Variants in PPM1H observed in about 807,000 individuals in gnomAD.
The protein encoded by PPM1H is protein phosphatase 1H.
Under a neutral mutation model 54.9 loss-of-function variants are expected in PPM1H, and 27 were observed. The observed-to-expected ratio is 0.49, with a 90% CI of 0.36 to 0.68. The LOEUF (loss-of-function observed/expected upper bound fraction) is 0.68. Among genes scored for constraint, PPM1H ranks in the 30% least tolerant of loss-of-function variants. The probability of loss-of-function intolerance (pLI) is 0.00; values close to 1 mark genes in which losing one functional copy is unlikely to be tolerated. For missense variants in PPM1H, 596 were observed against 667.8 expected, an observed-to-expected ratio of 0.89 and a Z score of 1.19; for synonymous variants, 305 against 270.8, an observed-to-expected ratio of 1.13 and a Z score of -1.24.
At chr12:62,798,479 C>T (rs758855204) in intron 3 of PPM1H, among the ~76,000 whole-genome samples, 3 of 152,042 alleles carry the variant, frequency 2.0e-5, no homozygotes, top group Non-Finnish European at 4.4e-5. Context: ...ATTGGGGGCC[C>T]AGTTTTTATT....
chr12:62,800,733 G>C (rs1478694295), intron 3 of PPM1H, among the ~76,000 whole-genome samples: 1 of 152,186 alleles, frequency 6.6e-6, no homozygotes, highest in African/African-American at 2.4e-5. Context: ...CTGTATGCAG[G>C]CTGCCGAGCA....
intron 2 of PPM1H, among the ~76,000 whole-genome samples, chr12:62,829,463 C>G (rs1162430600): frequency 1.3e-5 from 2 of 152,066 alleles, no homozygotes; most frequent in Non-Finnish European, 2.9e-5. Flanking sequence ...ATACGTAATG[C>G]CACTGAACTA....
At chr12:62,874,851 C>T (rs1052742765) in intron 1 of PPM1H, among the ~76,000 whole-genome samples, 2 of 152,218 alleles carry the variant, frequency 1.3e-5, no homozygotes, top group African/African-American at 4.8e-5. Context: ...CAAACTGTCT[C>T]GCCATTTTCA....
chr12:62,840,084 A>AGAGAGAGAGAGC, intron 1 of PPM1H: 1 of 124,330 alleles, frequency 8.0e-6, no homozygotes, highest in African/African-American at 4.1e-5. Flanking sequence ...AGAGAGAGAG[A>AGAGAGAGAGAGC]GCGAGAGAAA....
intron 6 of PPM1H, among the ~76,000 whole-genome samples, chr12:62,706,568 A>G (rs2076175540): frequency 6.6e-6 from 1 of 152,264 alleles, no homozygotes; most frequent in Non-Finnish European, 1.5e-5. Context: ...TTAAAAACTT[A>G]CATAATCCTC....
chr12:62,773,810 T>A (rs1204015561), intron 4 of PPM1H, among the ~76,000 whole-genome samples: 2 of 152,162 alleles, frequency 1.3e-5, no homozygotes, highest in African/African-American at 4.8e-5. Context: ...GGGGGCTTCC[T>A]GGGAAGCTTA....
intron 1 of PPM1H, among the ~76,000 whole-genome samples, chr12:62,864,007 GCA>G (rs1222881791): frequency 6.6e-6 from 1 of 152,172 alleles, no homozygotes; most frequent in Non-Finnish European, 1.5e-5. Context: ...TTATCTGCTA[GCA>G]CCAACACTTT....
chr12:62,812,686 T>C (rs908609624), intron 2 of PPM1H, among the ~76,000 whole-genome samples: 3 of 151,736 alleles, frequency 2.0e-5, no homozygotes, highest in Non-Finnish European at 4.4e-5. Context: ...AGACTTTCTC[T>C]ACAGTAGGCT....
chr12:62,869,281 T>C (rs1869895288), intron 1 of PPM1H, among the ~76,000 whole-genome samples: 2 of 152,258 alleles, frequency 1.3e-5, no homozygotes, highest in Non-Finnish European at 2.9e-5. Flanking sequence ...ATTAAAGTCA[T>C]TTAAAATCTT....
At chr12:62,792,968 TAATA>T (rs761086596) in intron 3 of PPM1H, among the ~76,000 whole-genome samples, 7 of 152,228 alleles carry the variant, frequency 4.6e-5, no homozygotes, top group Admixed American at 6.5e-5. Context: ...ATATTCTACA[TAATA>T]AATAAAAACA....
chr12:62,666,923 A>C lies in PPM1H; in HGVS notation c.1397+255T>G, dbSNP rs1039961430. Among the ~76,000 whole-genome samples, 11 of 152,300 alleles carry C rather than the reference A, an allele frequency of 7.2e-5. 1 individual carries two copies. In the East Asian group the frequency reaches 1.5e-3, roughly 21 times the overall value. ...GAGACAGGGTTTCACCATGTTGGCC[A>C]GGCTGGTCTAGAACTCCTGACCTCA... is the stretch of plus-strand genomic sequence containing the variant. On this transcript the variant is annotated intron_variant, in intron 9 of 9. Coordinates refer to ENST00000228705, the MANE Select transcript of PPM1H (RefSeq NM_020700.2).
chr12:62,724,123 A>G (rs2076277310), intron 5 of PPM1H, among the ~76,000 whole-genome samples: 1 of 152,196 alleles, frequency 6.6e-6, no homozygotes, highest in Non-Finnish European at 1.5e-5. Context: ...TGAGTTTATT[A>G]CCATTAGATC....
At chr12:62,827,609 C>T (rs1424524511) in intron 2 of PPM1H, among the ~76,000 whole-genome samples, 1 of 152,152 alleles carries the variant, frequency 6.6e-6, no homozygotes, top group Non-Finnish European at 1.5e-5. Flanking sequence ...GCCAACCCTC[C>T]AAGAGACCAT....
chr12:62,811,209 T>A (rs1221617421), intron 2 of PPM1H, among the ~76,000 whole-genome samples: 1 of 152,180 alleles, frequency 6.6e-6, no homozygotes, highest in Non-Finnish European at 1.5e-5. Context: ...TGATGATATG[T>A]ATCTATGCAC....
chr12:62,839,884 A>AAACAACAAAAAAC (rs1555200470), intron 1 of PPM1H, among the ~76,000 whole-genome samples: 1 of 150,170 alleles, frequency 6.7e-6, no homozygotes, highest in Non-Finnish European at 1.5e-5. Flanking sequence ...CAAAAAAAAA[A>AAACAACAAAAAAC]AAAAAACACC....
At position 62,648,273 on chromosome 12, in the gene PPM1H, CT is replaced by C; in HGVS notation, c.*215del. 1.8e-6 allele frequency: 1 copy of C among 545,534 alleles called. No individual in the cohort carries two copies. The allele number at this position is 545,534 out of a possible 1,614,324, so 33.8% of individuals were successfully genotyped here. On this transcript the variant is annotated 3_prime_UTR_variant, in exon 10 of 10. Coordinates refer to ENST00000228705, the MANE Select transcript of PPM1H (RefSeq NM_020700.2). ...AAATACAACAACACTTGGTAGCAGC[CT>C]TTGTGTTTTGCTCTTGTTGAGTTGA...
At chr12:62,846,136 C>T (rs560505853) in intron 1 of PPM1H, among the ~76,000 whole-genome samples, 7 of 152,252 alleles carry the variant, frequency 4.6e-5, no homozygotes, top group Non-Finnish European at 7.4e-5. Context: ...CTTTCTCAAC[C>T]GTGAATGTGG....
chr12:62,814,129 G>C (rs2120786483), intron 2 of PPM1H, among the ~76,000 whole-genome samples: 1 of 152,212 alleles, frequency 6.6e-6, no homozygotes, highest in African/African-American at 2.4e-5. Flanking sequence ...ACCCAAGCTG[G>C]AGTGCAGTGG....
intron 9 of PPM1H, among the ~76,000 whole-genome samples, chr12:62,660,475 CTG>C (rs1238405676): frequency 1.3e-5 from 2 of 152,150 alleles, no homozygotes; most frequent in Non-Finnish European, 2.9e-5. Context: ...TAGCATGGTA[CTG>C]GCATAAAAAC....
Sources: allele counts gnomAD v4.1 joint callset (sites outside exome capture counted in the v4.1 genomes callset), GRCh38; gene constraint gnomAD v4.1.1; transcripts MANE v1.5; gene names NCBI Gene and HGNC (gene_info 2026-07-23, HGNC 2026-07-21).